NRXN1: variants seen among roughly 807,000 people sequenced by gnomAD.
NRXN1 encodes the protein neurexin 1.
Under a neutral mutation model 150.9 loss-of-function variants are expected in NRXN1, and 39 were observed. The ratio of observed to expected loss-of-function variants is 0.26; its 90% CI spans 0.20 to 0.34. The LOEUF is 0.34. Ranked by LOEUF, NRXN1 falls within the 10% of genes least tolerant of loss-of-function variation. The pLI is 1.00. For missense variants in NRXN1, 1,815 were observed against 1,949.9 expected, an observed-to-expected ratio of 0.93 and a Z score of 1.30; for synonymous variants, 924 against 757.0, an observed-to-expected ratio of 1.22 and a Z score of -3.62.
intron 5 of NRXN1, among the ~76,000 whole-genome samples, chr2:50,703,943 T>C (rs1278071680): frequency 1.3e-5 from 2 of 152,104 alleles, no homozygotes; most frequent in Non-Finnish European, 2.9e-5. Context: ...AAGTTTACTG[T>C]AGAATAAAAT....
Position 50,497,623 on chromosome 2 carries a change from G to A in NRXN1, c.2589C>T (p.Ser863=). Residue 863 remains serine, a synonymous_variant, in exon 14 of 23, where the codon TCC becomes TCT. Coordinates refer to ENST00000401669, the MANE Select transcript of NRXN1 (RefSeq NM_001330078.2). ...AGCTCTGCAGGTGTCCAATGAAGTTGGAGGGGACAGAAGAAAGATACCGTC... is the reference window on the plus strand; with the variant it reads ...AGCTCTGCAGGTGTCCAATGAAGTTAGAGGGGACAGAAGAAAGATACCGTC... The part of the protein sequence containing the change: ...TERRYLSSVP[S]NFIGHLQSLT... 8 of 1,613,910 alleles carry A rather than the reference G, an allele frequency of 5.0e-6. No homozygotes were observed. The highest frequency in any genetic ancestry group is 6.8e-6 in the Non-Finnish European group (8 of 1,179,866).
intron 5 of NRXN1, among the ~76,000 whole-genome samples, chr2:50,900,910 C>G (rs1682846948): frequency 6.6e-6 from 1 of 152,112 alleles, no homozygotes; most frequent in Non-Finnish European, 1.5e-5. Flanking sequence ...GAAAACTGAA[C>G]TCATATTGAA....
intron 15 of NRXN1, among the ~76,000 whole-genome samples, chr2:50,488,572 G>T (rs567442039): frequency 6.6e-6 from 1 of 152,140 alleles, no homozygotes; most frequent in Non-Finnish European, 1.5e-5. Context: ...TCCTGAGTAC[G>T]CCTTTTATGG....
At chr2:50,208,921 T>C (rs569173309) in intron 18 of NRXN1, among the ~76,000 whole-genome samples, 1 of 152,278 alleles carries the variant, frequency 6.6e-6, no homozygotes, top group East Asian at 1.9e-4. Context: ...AAACTACATA[T>C]AATATAGAGA....
intron 5 of NRXN1, among the ~76,000 whole-genome samples, chr2:50,685,288 C>T (rs994343604): frequency 1.1e-4 from 17 of 152,112 alleles, no homozygotes; most frequent in Non-Finnish European, 1.9e-4. Flanking sequence ...TACAGTCTCT[C>T]TAAAAATTAA....
At chr2:50,031,762 C>T (rs1689211113) in intron 21 of NRXN1, among the ~76,000 whole-genome samples, 1 of 152,026 alleles carries the variant, frequency 6.6e-6, no homozygotes, top group Non-Finnish European at 1.5e-5. Flanking sequence ...CTCTCAATGT[C>T]TGTATCATTT....
chr2:49,960,859 A>T (rs761078086), intron 21 of NRXN1, among the ~76,000 whole-genome samples: 10 of 152,182 alleles, frequency 6.6e-5, no homozygotes, highest in Non-Finnish European at 1.3e-4. Flanking sequence ...AGAGGAGGCA[A>T]TGGTTCTTGA....
chr2:50,278,488 A>G (rs1004192320), intron 17 of NRXN1, among the ~76,000 whole-genome samples: 1 of 150,258 alleles, frequency 6.7e-6, no homozygotes, highest in Non-Finnish European at 1.5e-5. Flanking sequence ...ACGTATCTCA[A>G]TCTACCACTT....
chr2:50,362,950 A>C (rs1420960509), intron 17 of NRXN1, among the ~76,000 whole-genome samples: 1 of 152,158 alleles, frequency 6.6e-6, no homozygotes, highest in Non-Finnish European at 1.5e-5. Context: ...ATCTACAACC[A>C]TCTTTTCTTT....
intron 5 of NRXN1, among the ~76,000 whole-genome samples, chr2:50,630,073 T>C (rs1355079440): frequency 6.6e-6 from 1 of 151,648 alleles, no homozygotes; most frequent in African/African-American, 2.4e-5. Flanking sequence ...GAGGAAAATA[T>C]TTAAGAGTCT....
chr2:50,655,808 C>A (rs1559082061), intron 5 of NRXN1, among the ~76,000 whole-genome samples: 1 of 151,816 alleles, frequency 6.6e-6, no homozygotes, highest in African/African-American at 2.4e-5. Context: ...ATTGACACTT[C>A]TTTTTGATAT....
chr2:50,886,754 C>A (rs1424866120), intron 5 of NRXN1, among the ~76,000 whole-genome samples: 1 of 151,306 alleles, frequency 6.6e-6, no homozygotes, highest in Non-Finnish European at 1.5e-5. Flanking sequence ...TACTGCCTGG[C>A]AAATTTTAAC....
At chr2:50,397,369 C>T (rs1373726892) in intron 17 of NRXN1, among the ~76,000 whole-genome samples, 1 of 151,950 alleles carries the variant, frequency 6.6e-6, no homozygotes, top group Non-Finnish European at 1.5e-5. Context: ...AAGGTTTCTG[C>T]TTGTTGTCAG....
chr2:50,946,057 T>A (rs1201613919), intron 2 of NRXN1, among the ~76,000 whole-genome samples: 1 of 151,684 alleles, frequency 6.6e-6, no homozygotes, highest in Admixed American at 6.6e-5. Context: ...CAAAACATAC[T>A]CAGAGCTGAT....
At chr2:50,079,286 T>C (rs1200101340) in intron 19 of NRXN1, among the ~76,000 whole-genome samples, 5 of 152,094 alleles carry the variant, frequency 3.3e-5, no homozygotes, top group Non-Finnish European at 5.9e-5. Context: ...CAATAAAGTA[T>C]GCCCTACAGG....
At chr2:50,302,583 C>T (rs941677079) in intron 17 of NRXN1, among the ~76,000 whole-genome samples, 3 of 152,102 alleles carry the variant, frequency 2.0e-5, no homozygotes, top group Admixed American at 1.3e-4. Flanking sequence ...GTTGCAGTTT[C>T]GATTTATACA....
At chr2:50,435,230 G>A (rs1462367019) in intron 17 of NRXN1, among the ~76,000 whole-genome samples, 1 of 152,082 alleles carries the variant, frequency 6.6e-6, no homozygotes, top group East Asian at 1.9e-4. Flanking sequence ...CACCATCTGT[G>A]TTCTTATACA....
intron 8 of NRXN1, among the ~76,000 whole-genome samples, chr2:50,587,534 A>G: frequency 6.6e-6 from 1 of 152,176 alleles, no homozygotes; most frequent in Admixed American, 6.5e-5. Context: ...CTTGTAACTG[A>G]AAACCAAGAC....
At chr2:50,808,333 CTT>C (rs1292338635) in intron 5 of NRXN1, among the ~76,000 whole-genome samples, 1 of 151,958 alleles carries the variant, frequency 6.6e-6, no homozygotes, top group Non-Finnish European at 1.5e-5. Flanking sequence ...TTATGGAAAA[CTT>C]TTTAGTTTTC....
Sources: allele counts gnomAD v4.1 joint callset (sites outside exome capture counted in the v4.1 genomes callset), GRCh38; gene constraint gnomAD v4.1.1; transcripts MANE v1.5; gene names NCBI Gene and HGNC (gene_info 2026-07-23, HGNC 2026-07-21).